Variants in NBPF12 observed in about 807,000 individuals in gnomAD.
The protein encoded by NBPF12 is NBPF member 12.
In NBPF12, 115 loss-of-function variants were observed where a neutral mutation model predicts 146.4. The observed-to-expected ratio is 0.79, with a 90% CI of 0.68 to 0.92. The LOEUF is 0.92. NBPF12 is among the 40% of genes least tolerant of loss of function. NBPF12 has a pLI of 0.00. For missense variants in NBPF12, 1,205 were observed against 1,326.8 expected, an observed-to-expected ratio of 0.91 and a Z score of 1.43; for synonymous variants, 385 against 508.9, an observed-to-expected ratio of 0.76 and a Z score of 3.28.
upstream of NBPF12, among the ~76,000 whole-genome samples, chr1:146,946,565 T>G (rs1400683030): frequency 1.4e-4 from 20 of 141,890 alleles, no homozygotes; most frequent in African/African-American, 5.3e-4. Context: ...TTCTCAGAAT[T>G]CTTCATATAT....
At chr1:146,994,422 A>G (rs782252215) in exon 34 of NBPF12, 4 of 1,612,266 alleles carry the variant, frequency 2.5e-6, no homozygotes, top group Non-Finnish European at 3.4e-6. Flanking sequence ...TGTACTTTGA[A>G]CTACCTGACT....
chr1:146,950,421 G>T (rs1158370023), intron 1 of NBPF12, among the ~76,000 whole-genome samples: 1 of 151,894 alleles, frequency 6.6e-6, no homozygotes, highest in Non-Finnish European at 1.5e-5. Flanking sequence ...AGTGATTCTA[G>T]TTCAAAATGA....
chr1:146,970,219 G>T (rs1371133183), intron 11 of NBPF12, among the ~76,000 whole-genome samples: 1 of 150,538 alleles, frequency 6.6e-6, no homozygotes, highest in Admixed American at 6.6e-5. Context: ...GCCACATGGA[G>T]GGCCTGTGCA....
At chr1:146,938,600 G>A (rs1654638681), upstream of NBPF12, 1 of 152,046 alleles carries the variant, frequency 6.6e-6, no homozygotes, top group African/African-American at 2.4e-5. Flanking sequence ...AGGCAGCCGG[G>A]TCCCTTTAAG....
chr1:146,965,866 G>A (rs2101859067), intron 8 of NBPF12, among the ~76,000 whole-genome samples: 1 of 139,096 alleles, frequency 7.2e-6, no homozygotes, highest in Non-Finnish European at 1.5e-5. Context: ...CCAGCACTTT[G>A]AGAGGCCGAG....
upstream of NBPF12, among the ~76,000 whole-genome samples, chr1:146,946,229 G>A (rs1220481087): frequency 6.6e-6 from 1 of 151,122 alleles, no homozygotes; most frequent in Admixed American, 6.6e-5. Flanking sequence ...TGACAATTAT[G>A]ATAAAATTGC....
chr1:146,946,072 G>T (rs1226930123), upstream of NBPF12, among the ~76,000 whole-genome samples: 2 of 151,898 alleles, frequency 1.3e-5, no homozygotes, highest in African/African-American at 4.9e-5. Flanking sequence ...CTTCTTTCTA[G>T]CATTATGTAC....
chr1:146,970,718 A>C (rs1388869766), exon 12 of NBPF12: 1 of 1,359,102 alleles, frequency 7.4e-7, no homozygotes, highest in Non-Finnish European at 1.1e-6. Flanking sequence ...ATCTTCCCCC[A>C]GGTGACACTG....
intron 18 of NBPF12, among the ~76,000 whole-genome samples, chr1:146,977,873 G>A (rs1366702782): frequency 6.6e-6 from 1 of 152,018 alleles, no homozygotes; most frequent in African/African-American, 2.4e-5. Flanking sequence ...CTCGACCCCA[G>A]GCAAGTGTGA....
chr1:146,945,065 T>G (rs1207259623), upstream of NBPF12, among the ~76,000 whole-genome samples: 2 of 124,826 alleles, frequency 1.6e-5, no homozygotes, highest in Non-Finnish European at 3.4e-5. Context: ...CCTCCCTCCC[T>G]TCTTTTCTTC....
exon 6 of NBPF12, chr1:146,963,257 G>A: frequency 6.2e-7 from 1 of 1,611,978 alleles, no homozygotes; most frequent in South Asian, 1.1e-5. Flanking sequence ...TCCAAGAACA[G>A]CTGGCTGAGG....
Position 146,960,303 on chromosome 1 carries a change from C to T in NBPF12, c.160C>T (p.Arg54Ter), listed in dbSNP as rs1477804815. ...TCAACTGGCCGGCTTCCTGGCCAAC[C>T]GACAGAAGAAATACAGTAAGATCTA... Residue 54 changes from arginine (R) to a stop codon, truncating the protein, a stop_gained, in exon 4 of 34, where the codon CGA (arginine) becomes TGA (stop). Transcript: ENST00000617844. LOFTEE classifies it high-confidence loss of function. 2.5e-5 allele frequency: 34 copies of T among 1,375,152 alleles called. No individual in the cohort carries two copies. Among genetic ancestry groups the T allele is most frequent in the Non-Finnish European group, 3.3e-5 (32 of 974,962 alleles). The allele number at this position is 1,375,152 out of a possible 1,614,324, so 85.2% of individuals were successfully genotyped here.
rs1479421575 is a variant in NBPF12 at position 146,969,554 on chromosome 1, G to A, written c.1264G>A (p.Gly422Arg). ...GGACCTCCAAGAACAGCTGGCTGAG[G>A]GGTGTAGACTGGCACAGCACCTTGT... is the stretch of plus-strand genomic sequence containing the variant. Residue 422 changes from glycine (G) to arginine (R), a missense_variant, in exon 11 of 34, where the codon GGG becomes AGG. Transcript: ENST00000617844. The A allele has an allele frequency of 3.6e-5, 58 of 1,603,206 alleles. 1 individual carries two copies. Among genetic ancestry groups the A allele is most frequent in the African/African-American group, 3.0e-4 (22 of 73,384 alleles).
At chr1:146,964,858 A>G in intron 7 of NBPF12, 35 bp from the exon 11 acceptor site, 1 of 1,543,820 alleles carries the variant, frequency 6.5e-7, no homozygotes, top group Non-Finnish European at 8.9e-7. Context: ...TCTGTGTTTA[A>G]TCTTCTGTCA....
chr1:146,979,812 C>T (rs1485810089), intron 19 of NBPF12, among the ~76,000 whole-genome samples: 1 of 30,584 alleles, frequency 3.3e-5, no homozygotes, highest in East Asian at 6.7e-4. Flanking sequence ...GTGGAGAGTT[C>T]TGTAGATGTC....
chr1:146,978,539 T>C (rs1657192393), intron 18 of NBPF12, among the ~76,000 whole-genome samples: 1 of 151,472 alleles, frequency 6.6e-6, no homozygotes, highest in Admixed American at 6.6e-5. Flanking sequence ...CACAGATTCT[T>C]TTTAAAGCAA....
intron 4 of NBPF12, 115 bp from the exon 8 acceptor site, chr1:146,962,046 C>T (rs1221992045): frequency 3.5e-6 from 3 of 854,004 alleles, no homozygotes; most frequent in East Asian, 4.8e-5. Context: ...TGTCTAGACC[C>T]TGGTACTGGG....
At chr1:146,947,872 G>T (rs1427913259), upstream of NBPF12, among the ~76,000 whole-genome samples, 4 of 151,806 alleles carry the variant, frequency 2.6e-5, no homozygotes, top group African/African-American at 7.3e-5. Context: ...GTTCTTCTGT[G>T]CTGGTGACTG....
At chr1:146,984,540 C>T (rs1657607027) in intron 21 of NBPF12, among the ~76,000 whole-genome samples, 1 of 150,292 alleles carries the variant, frequency 6.7e-6, no homozygotes, top group African/African-American at 2.5e-5. Flanking sequence ...TTGACTCCCT[C>T]ATCAGTGTGT....
Sources: allele counts gnomAD v4.1 joint callset (sites outside exome capture counted in the v4.1 genomes callset), GRCh38; gene constraint gnomAD v4.1.1; transcripts MANE v1.5; gene names NCBI Gene and HGNC (gene_info 2026-07-23, HGNC 2026-07-21).